Variants in ZNF180 observed in about 807,000 individuals in gnomAD.
ZNF180 encodes zinc finger protein 180, also known as zinc finger protein 180 (HHZ168).
A neutral mutation model predicts 11.8 loss-of-function variants in ZNF180; 11 were observed. The ratio of observed to expected loss-of-function variants is 0.93; its 90% CI spans 0.59 to 1.55. ZNF180 has a LOEUF of 1.55. Ranked by LOEUF, ZNF180 falls within the 40% of genes most tolerant of loss-of-function variation. The pLI, the probability that ZNF180 is intolerant of heterozygous loss-of-function variation, is 0.00. For missense variants in ZNF180, 773 were observed against 781.7 expected (o/e 0.99, Z 0.13); for synonymous variants, 287 against 257.7 (o/e 1.11, Z -1.09).
intron 2 of ZNF180, chr19:44,484,852 C>G (rs1390928942): frequency 5.7e-6 from 1 of 176,718 alleles, no homozygotes; most frequent in Non-Finnish European, 1.2e-5. Context: ...AAAAGATCAA[C>G]AAATTAATTT....
chr19:44,491,750 T>C (rs1252689989), intron 2 of ZNF180, among the ~76,000 whole-genome samples: 1 of 152,160 alleles, frequency 6.6e-6, no homozygotes, highest in Non-Finnish European at 1.5e-5. Context: ...TTTTTGTTTT[T>C]ATTTTTTGTA....
chr19:44,482,615 A>G (rs571585255), intron 3 of ZNF180, among the ~76,000 whole-genome samples: 1 of 152,128 alleles, frequency 6.6e-6, no homozygotes, highest in Non-Finnish European at 1.5e-5. Context: ...ATCCTCTAAT[A>G]TAAGAACTTG....
intron 3 of ZNF180, among the ~76,000 whole-genome samples, chr19:44,482,997 C>T (rs964158611): frequency 8.5e-5 from 13 of 152,216 alleles, no homozygotes; most frequent in South Asian, 2.1e-4. Flanking sequence ...GCTCATTCTT[C>T]GGGGGACACC....
At chr19:44,494,285 A>T (rs4803720) in intron 2 of ZNF180, among the ~76,000 whole-genome samples, 46,410 of 151,946 alleles carry the variant, frequency 0.31, 7,869 homozygotes, top group African/African-American at 0.44. Context: ...TTCAGCTCAC[A>T]AAAAAGAAAA....
chr19:44,478,996 A>G (rs1970006315), intron 4 of ZNF180, among the ~76,000 whole-genome samples: 1 of 152,214 alleles, frequency 6.6e-6, no homozygotes, highest in South Asian at 2.1e-4. Flanking sequence ...ACAAGGAAAG[A>G]TACAGGAATT....
chr19:44,492,218 C>T lies in ZNF180; in HGVS notation c.51+5066G>A, dbSNP rs376377101. ...GGGTCCTGGGTTCTATATTAGAAAG[C>T]ACTGTGTATTTTTTATCTTTGTATT... On this transcript the variant is annotated intron_variant, in intron 2 of 4. Coordinates refer to ENST00000592529, the MANE Select transcript of ZNF180 (RefSeq NM_001278509.3). 1.9e-3 allele frequency among the ~76,000 whole-genome samples: 292 copies of T among 152,284 alleles called. 1 individual carries two copies. The highest frequency in any genetic ancestry group is 3.3e-3 in the Non-Finnish European group (224 of 68,024).
chr19:44,477,645 A>G lies in ZNF180; in HGVS notation c.755T>C (p.Ile252Thr), dbSNP rs74472964. 0.011 allele frequency: 16,994 copies of G among 1,614,000 alleles called. 105 individuals carry two copies. The highest frequency in any genetic ancestry group is 0.014 in the Middle Eastern group (85 of 6,062). The change falls in exon 5 of 5, where the codon ATT (isoleucine) becomes ACT (threonine). Residue 252 changes from isoleucine to threonine, a missense_variant. Ile to Thr is a moderately conservative substitution (Grantham distance 89, BLOSUM62 -1). Coordinates refer to ENST00000592529, the MANE Select transcript of ZNF180 (RefSeq NM_001278509.3). ...KDKSYGFSDR[I>T]QSFCHGTPLH... ...GGGTGTACCATGGCAAAAAGATTGA[A>G]TACGGTCACTAAATCCATAGGATTT...
rs1969865678 is a variant in ZNF180, at chr19:44,476,291, T to C, written c.*111A>G. The C allele has an allele frequency of 2.8e-6, 3 of 1,070,912 alleles. No homozygotes were observed. Among genetic ancestry groups the C allele is most frequent in the Admixed American group, 3.1e-5 (1 of 32,498 alleles). 66.3% of individuals were successfully genotyped at this position (1,070,912 alleles called of 1,614,324 possible). A position where few individuals can be genotyped will look rare whatever the true frequency, so the allele number is the denominator to read the frequency against. On this transcript the variant is annotated 3_prime_UTR_variant, in exon 5 of 5. Transcript: ENST00000592529. The stretch of plus-strand genomic sequence containing the variant: ...ACACAATTAACAGAGGGCTGGAAGT[T>C]TTCCCACATATATTGTTTTTATAGT...
chr19:44,481,415 T>C (rs1285152693), intron 3 of ZNF180, among the ~76,000 whole-genome samples: 1 of 152,212 alleles, frequency 6.6e-6, no homozygotes, highest in Non-Finnish European at 1.5e-5. Context: ...TTAACATTAA[T>C]CTTTAAGGTA....
chr19:44,489,410 C>T (rs1196915404), intron 2 of ZNF180, among the ~76,000 whole-genome samples: 3 of 141,964 alleles, frequency 2.1e-5, no homozygotes, highest in Non-Finnish European at 4.6e-5. Context: ...ATTCTTCTGC[C>T]TTGGGATCCT....
At chr19:44,487,193 G>A (rs1296455067) in intron 2 of ZNF180, among the ~76,000 whole-genome samples, 1 of 152,146 alleles carries the variant, frequency 6.6e-6, no homozygotes, top group Non-Finnish European at 1.5e-5. Context: ...TATCTATCTA[G>A]AAAATATTTT....
intron 2 of ZNF180, among the ~76,000 whole-genome samples, chr19:44,485,733 GA>G (rs1401725976): frequency 6.6e-6 from 1 of 152,118 alleles, no homozygotes; most frequent in Non-Finnish European, 1.5e-5. Flanking sequence ...AGATTCACAA[GA>G]AGTAGCAAAA....
In ZNF180 at chr19:44,479,399, T is replaced by C. The variant is rs375641920; in HGVS notation, c.137A>G (p.Asn46Ser). Residue 46 changes from asparagine to serine, a missense_variant, in exon 4 of 5, where the codon AAC (asparagine) becomes AGC (serine). Asn to Ser is a conservative substitution (Grantham distance 46). Coordinates refer to ENST00000592529, the MANE Select transcript of ZNF180 (RefSeq NM_001278509.3). Reference protein sequence around the residue: ...SLTIPSQEGVNFKIVTVDFTR... With the variant: ...SLTIPSQEGVSFKIVTVDFTR... ...GAAGTCCACAGTCACAATTTTGAAGTTCACTCCTTCCTAAAAAAGGACACA... is the reference window on the plus strand; with the variant it reads ...GAAGTCCACAGTCACAATTTTGAAGCTCACTCCTTCCTAAAAAAGGACACA... 3.7e-6 allele frequency: 6 copies of C among 1,613,728 alleles called. No individual in the cohort carries two copies. In the East Asian group the frequency reaches 1.3e-4, roughly 36 times the overall value.
rs754929745 is a variant in ZNF180, at chr19:44,476,589, T to G, written c.1811A>C (p.Lys604Thr). ...TQHQRTHTGE[K>T]PFECNQCGKT... ...TCCACACTGATTACATTCAAATGGT[T>G]TCTCTCCAGTATGAGTTCTCTGATG... The change falls in exon 5 of 5, where the codon AAA (lysine) becomes ACA (threonine). Residue 604 changes from lysine to threonine, a missense_variant. Physicochemically the swap from Lys to Thr is moderately conservative, Grantham distance 78 (BLOSUM62 -1). Transcript: ENST00000592529. 8 of 1,614,036 alleles carry G rather than the reference T, an allele frequency of 5.0e-6. No individual in the cohort carries two copies. The highest frequency in any genetic ancestry group is 5.9e-6 in the Non-Finnish European group (7 of 1,180,004).
chr19:44,495,388 C>T lies in ZNF180; in HGVS notation c.51+1896G>A, dbSNP rs1217208054. ...CACTCCTCTGCCACTTGGACTTGGA[C>T]AGCCCACGTCAGGCCACCCCACTGT... On this transcript the variant is annotated intron_variant, in intron 2 of 4. Coordinates refer to ENST00000592529, the MANE Select transcript of ZNF180 (RefSeq NM_001278509.3). The surrounding 1 kb of genome is among the most constrained non-coding windows in gnomAD (Gnocchi z 4.5). Among the ~76,000 whole-genome samples the T allele has an allele frequency of 6.6e-6, 1 of 152,106 alleles. No homozygotes were observed. Among genetic ancestry groups the T allele is most frequent in the Non-Finnish European group, 1.5e-5 (1 of 68,020 alleles).
In ZNF180 at chr19:44,497,374, T is replaced by C. The variant is rs751501744; in HGVS notation, c.-40A>G. On this transcript the variant is annotated 5_prime_UTR_variant, in exon 2 of 5. Transcript: ENST00000592529. ...ACAGCAGGGTGCTGAGGTCCTGAGC[T>C]GCACTGAGAGAAGCCCCAAGTACAG... The C allele has an allele frequency of 2.4e-5, 38 of 1,592,616 alleles. No individual in the cohort carries two copies. Among genetic ancestry groups the C allele is most frequent in the Non-Finnish European group, 3.1e-5 (36 of 1,173,530 alleles).
chr19:44,476,261 G>T lies in ZNF180; in HGVS notation c.*141C>A. ...CCCCTTTCTTTTCCAGAACAAATTT[G>T]AGACACACAATTAACAGAGGGCTGG... On this transcript the variant is annotated 3_prime_UTR_variant, in exon 5 of 5. Coordinates refer to ENST00000592529, the MANE Select transcript of ZNF180 (RefSeq NM_001278509.3). The T allele has an allele frequency of 1.3e-6, 1 of 797,908 alleles. No homozygotes were observed. The highest frequency in any genetic ancestry group is 1.8e-6 in the Non-Finnish European group (1 of 547,588). 49.4% of individuals were successfully genotyped at this position (797,908 alleles called of 1,614,324 possible).
chr19:44,489,201 G>A (rs1172917919), intron 2 of ZNF180, among the ~76,000 whole-genome samples: 18 of 38,642 alleles, frequency 4.7e-4, no homozygotes, highest in Admixed American at 8.5e-4. Context: ...GGAGGTGAGG[G>A]GCGCCTCTGC....
chr19:44,496,603 T>C (rs1360574304), intron 2 of ZNF180: 1 of 144,670 alleles, frequency 6.9e-6, no homozygotes, highest in Non-Finnish European at 1.5e-5. Context: ...AGCCCAGAAG[T>C]TTGAGGCGGC....
Sources: allele counts gnomAD v4.1 joint callset (sites outside exome capture counted in the v4.1 genomes callset), GRCh38; gene constraint gnomAD v4.1.1; non-coding constraint Gnocchi (gnomAD v3.1); transcripts MANE v1.5; gene names NCBI Gene and HGNC (gene_info 2026-07-23, HGNC 2026-07-21).